Variants in RNF220 observed in about 807,000 individuals in gnomAD.
RNF220 encodes ring finger protein 220.
A neutral mutation model predicts 67.1 loss-of-function variants in RNF220; 7 were observed. The ratio of observed to expected loss-of-function variants is 0.10; its 90% CI spans 0.06 to 0.20. The LOEUF is 0.20. Ranked by LOEUF, RNF220 falls within the 10% of genes least tolerant of loss-of-function variation. The pLI is 1.00. For synonymous variants in RNF220, 270 were observed against 283.2 expected (o/e 0.95, Z 0.47); for missense variants, 565 against 740.3 (o/e 0.76, Z 2.75).
At chr1:44,588,445 G>A (rs1312505406) in intron 2 of RNF220, among the ~76,000 whole-genome samples, 1 of 152,228 alleles carries the variant, frequency 6.6e-6, no homozygotes, top group Non-Finnish European at 1.5e-5. Context: ...CCTGGTGGAT[G>A]TGGAGTAGCC....
chr1:44,428,100 T>G (rs1649980160), intron 2 of RNF220, among the ~76,000 whole-genome samples: 1 of 152,182 alleles, frequency 6.6e-6, no homozygotes, highest in African/African-American at 2.4e-5. Context: ...GGAGCAGGGA[T>G]GAGTTTAGCA....
intron 2 of RNF220, among the ~76,000 whole-genome samples, chr1:44,588,740 G>T (rs275075): frequency 0.44 from 67,272 of 151,976 alleles, 15,162 homozygotes; most frequent in Middle Eastern, 0.55. Flanking sequence ...CTTAGGGCTG[G>T]CTATGAGCAG....
intron 2 of RNF220, among the ~76,000 whole-genome samples, chr1:44,426,726 C>CAA (rs33975687): frequency 0.33 from 37,216 of 111,784 alleles, 6,252 homozygotes; most frequent in Middle Eastern, 0.43. Context: ...GACTCTGTCT[C>CAA]AAAAAAAAAA....
rs186185105 is a variant in RNF220 at position 44,459,170 on chromosome 1, G to A, written c.625+46448G>A. On this transcript the variant is annotated intron_variant, in intron 2 of 14. Transcript: ENST00000361799. ...CAATAAATTTCTGACTTTTACCATG[G>A]TGATTCTTTTGGTGGGTTTTTTTTT... 4.7e-5 allele frequency among the ~76,000 whole-genome samples: 7 copies of A among 150,328 alleles called. No individual in the cohort carries two copies. The East Asian group carries it at 1.2e-3, about 25-fold the overall frequency.
Position 44,650,654 on chromosome 1 carries a change from G to A in RNF220, c.1630-50G>A, listed in dbSNP as rs377331097. ...GCTGCAGGCCCAGGTGCTCACATGC[G>A]CACACATGGCTCATTGTGTAGACCA... On this transcript the variant is annotated intron_variant, in intron 14 of 14. Coordinates refer to ENST00000361799, the MANE Select transcript of RNF220 (RefSeq NM_018150.4). The surrounding 1 kb of genome is among the most constrained non-coding windows in gnomAD (Gnocchi z 4.3). 67 of 1,574,208 alleles carry A rather than the reference G, an allele frequency of 4.3e-5. No homozygotes were observed. Among genetic ancestry groups the A allele is most frequent in the South Asian group, 3.3e-4 (30 of 90,286 alleles).
At chr1:44,429,834 T>C (rs916377245) in intron 2 of RNF220, among the ~76,000 whole-genome samples, 4 of 152,218 alleles carry the variant, frequency 2.6e-5, no homozygotes, top group African/African-American at 9.6e-5. Flanking sequence ...AAAATTTAAA[T>C]ACAAATATCC....
intron 2 of RNF220, among the ~76,000 whole-genome samples, chr1:44,561,910 C>T (rs1335965475): frequency 6.6e-6 from 1 of 152,138 alleles, no homozygotes; most frequent in African/African-American, 2.4e-5. Context: ...AAGGGAGACC[C>T]TGTCTCAAAA....
At chr1:44,426,568 A>G (rs749480192) in intron 2 of RNF220, among the ~76,000 whole-genome samples, 15 of 152,170 alleles carry the variant, frequency 9.9e-5, no homozygotes, top group Middle Eastern at 3.4e-3. Context: ...CTCTACTAAA[A>G]ATACAAAAAT....
intron 2 of RNF220, among the ~76,000 whole-genome samples, chr1:44,413,455 A>G (rs1314738546): frequency 6.6e-6 from 1 of 152,124 alleles, no homozygotes. Flanking sequence ...GCTTTTTTTC[A>G]TGTTCTCCAA....
chr1:44,528,958 G>T (rs185868038), intron 2 of RNF220, among the ~76,000 whole-genome samples: 16 of 152,210 alleles, frequency 1.1e-4, no homozygotes, highest in Non-Finnish European at 2.2e-4. Context: ...GCTAATAAGG[G>T]TAGAGTTAGG....
At chr1:44,614,001 G>T (rs956505223) in intron 2 of RNF220, among the ~76,000 whole-genome samples, 164 bp from the exon 3 acceptor site, 6 of 152,212 alleles carry the variant, frequency 3.9e-5, no homozygotes, top group African/African-American at 1.4e-4. Flanking sequence ...CTCTGGAGCT[G>T]CAAGGAGGAG....
intron 2 of RNF220, among the ~76,000 whole-genome samples, chr1:44,497,541 G>T (rs954835374): frequency 6.6e-6 from 1 of 152,112 alleles, no homozygotes; most frequent in African/African-American, 2.4e-5. Flanking sequence ...CCTTTCATCC[G>T]CCTGTGGGTG....
intron 2 of RNF220, among the ~76,000 whole-genome samples, chr1:44,604,059 A>C (rs186037575): frequency 6.6e-4 from 100 of 152,374 alleles, no homozygotes; most frequent in African/African-American, 1.9e-3. Context: ...CAGTCTTAGC[A>C]TTTTGGCTGC....
chr1:44,428,319 G>A (rs11583939), intron 2 of RNF220, among the ~76,000 whole-genome samples: 1 of 152,208 alleles, frequency 6.6e-6, no homozygotes, highest in African/African-American at 2.4e-5. Context: ...CTGTTCACCA[G>A]CTATTTTGAG....
chr1:44,622,845 C>T lies in RNF220; in HGVS notation c.804+58C>T, dbSNP rs1643854518. The stretch of plus-strand genomic sequence containing the variant: ...CATACTAACCTAGGCCTACCCAGAA[C>T]TGGTTCCTCCTGAGAAAAAGGAGCT... On this transcript the variant is annotated intron_variant, in intron 4 of 14. Coordinates refer to ENST00000361799, the MANE Select transcript of RNF220 (RefSeq NM_018150.4). The surrounding 1 kb of genome is among the most constrained non-coding windows in gnomAD (Gnocchi z 4.3). The T allele has an allele frequency of 2.1e-6, 3 of 1,453,424 alleles. No homozygotes were observed. The highest frequency in any genetic ancestry group is 2.9e-6 in the Non-Finnish European group (3 of 1,038,254). 90.0% of individuals were successfully genotyped at this position (1,453,424 alleles called of 1,614,324 possible).
intron 2 of RNF220, among the ~76,000 whole-genome samples, chr1:44,529,719 A>G (rs1168463466): frequency 6.6e-6 from 1 of 152,214 alleles, no homozygotes; most frequent in African/African-American, 2.4e-5. Context: ...TTTGAAAAAC[A>G]TAAAAGCACG....
chr1:44,572,810 C>A (rs147143642), intron 2 of RNF220, among the ~76,000 whole-genome samples: 6 of 152,108 alleles, frequency 3.9e-5, no homozygotes, highest in Admixed American at 3.9e-4. Flanking sequence ...TACCAAGTAA[C>A]CTTTATTGTC....
intron 2 of RNF220, among the ~76,000 whole-genome samples, chr1:44,578,144 C>CTTTTT (rs749348924): frequency 3.2e-4 from 38 of 117,150 alleles, no homozygotes; most frequent in African/African-American, 3.4e-4. Context: ...TCTTTCTTTC[C>CTTTTT]TTTTTTTTTT....
At chr1:44,425,151 T>TAGG (rs1649629532) in intron 2 of RNF220, among the ~76,000 whole-genome samples, 1 of 152,184 alleles carries the variant, frequency 6.6e-6, no homozygotes, top group Non-Finnish European at 1.5e-5. Context: ...GAGCCGTGAC[T>TAGG]AGGGGCTTGC....
Sources: gnomAD v4.1 joint callset for allele counts (sites outside exome capture counted in the v4.1 genomes callset) on GRCh38, gnomAD v4.1.1 for gene constraint, Gnocchi (gnomAD v3.1) non-coding constraint, MANE v1.5 for transcripts, NCBI Gene and HGNC (gene_info 2026-07-23, HGNC 2026-07-21) for gene names.